Variants in MTUS2 observed in about 807,000 individuals in gnomAD.
MTUS2 encodes the protein microtubule associated scaffold protein 2, also known as microtubule-associated tumor suppressor candidate 2.
Under a neutral mutation model 114.1 loss-of-function variants are expected in MTUS2, and 40 were observed. The ratio of observed to expected loss-of-function variants is 0.35; its 90% CI spans 0.27 to 0.46. The LOEUF is 0.46. MTUS2 is among the 20% of genes least tolerant of loss of function. The probability of loss-of-function intolerance (pLI) is 1.00; values close to 1 mark genes in which losing one functional copy is unlikely to be tolerated. For synonymous variants in MTUS2, 688 were observed against 672.0 expected (o/e 1.02, Z -0.37); for missense variants, 1,679 against 1,705.4 (o/e 0.98, Z 0.27).
intron 8 of MTUS2, among the ~76,000 whole-genome samples, chr13:29,376,040 T>TGC (rs1491524457): frequency 2.7e-4 from 27 of 100,970 alleles, no homozygotes; most frequent in African/African-American, 1.3e-3. Context: ...TATATATATA[T>TGC]GTGTGTGTGT....
At position 29,039,596 on chromosome 13, in the gene MTUS2, T is replaced by C. The variant is rs181553304; in HGVS notation, c.2446+5471T>C. Among the ~76,000 whole-genome samples the C allele has an allele frequency of 5.6e-3, 853 of 152,298 alleles. 6 individuals carry two copies. Among genetic ancestry groups the C allele is most frequent in the Middle Eastern group, 0.014 (4 of 294 alleles). ...AGGGGGCCTAGCAGCTGCCTCTACT[T>C]TTGTGCCTGACCTTTAAAGGTAGAA... On this transcript the variant is annotated intron_variant, in intron 4 of 15. Transcript: ENST00000612955.
intron 9 of MTUS2, among the ~76,000 whole-genome samples, chr13:29,446,459 A>G (rs1381727060): frequency 6.6e-6 from 1 of 152,194 alleles, no homozygotes; most frequent in Non-Finnish European, 1.5e-5. Context: ...TCTATATATC[A>G]GAGTCTTCAT....
At position 29,071,409 on chromosome 13, in the gene MTUS2, A is replaced by ATTTTTTT. The variant is rs751020009; in HGVS notation, c.2447-29336_2447-29330dup. ...TTTAAAAGATCTCTATGTTGCTTGAATTTTTTTTTTTTTTTTTTTTTTTTT... is the reference window on the plus strand; with the variant it reads ...TTTAAAAGATCTCTATGTTGCTTGAATTTTTTTTTTTTTTTTTTTTTTTTTTTTTTTT... On this transcript the variant is annotated intron_variant, in intron 4 of 15. Transcript: ENST00000612955. 3.6e-3 allele frequency among the ~76,000 whole-genome samples: 164 copies of ATTTTTTT among 46,146 alleles called. 25 individuals carry two copies. Among genetic ancestry groups the ATTTTTTT allele is most frequent in the Admixed American group, 4.2e-3 (11 of 2,620 alleles). 30.3% of individuals were successfully genotyped at this position (46,146 alleles called of 152,430 possible).
intron 2 of MTUS2, among the ~76,000 whole-genome samples, chr13:28,931,674 T>A (rs931572498): frequency 6.6e-6 from 1 of 151,074 alleles, no homozygotes; most frequent in Non-Finnish European, 1.5e-5. Flanking sequence ...CTGTTTATAT[T>A]GTATTAGGTA....
intron 7 of MTUS2, among the ~76,000 whole-genome samples, chr13:29,336,078 A>G (rs529711831): frequency 7.2e-5 from 11 of 152,240 alleles, no homozygotes; most frequent in Non-Finnish European, 1.0e-4. Context: ...CTAGTTAGCA[A>G]TTCCTCTAAC....
rs1373547136 is a variant in MTUS2, at chr13:29,024,543, G to C, written c.-156G>C. On this transcript the variant is annotated 5_prime_UTR_variant, in exon 3 of 16. Transcript: ENST00000612955. Reference sequence around the variant, plus strand: ...TATCAAGACAATGCTTGGTTTTCAAGCTGTTCTGAGAATGATTAAAGCAGT... The same window carrying C: ...TATCAAGACAATGCTTGGTTTTCAACCTGTTCTGAGAATGATTAAAGCAGT... The C allele has an allele frequency of 3.5e-6, 3 of 867,878 alleles. No homozygotes were observed. Among genetic ancestry groups the C allele is most frequent in the African/African-American group, 3.4e-5 (2 of 58,814 alleles). 53.8% of individuals were successfully genotyped at this position (867,878 alleles called of 1,614,324 possible).
intron 2 of MTUS2, among the ~76,000 whole-genome samples, chr13:28,989,186 G>C (rs1480898272): frequency 6.6e-6 from 1 of 152,128 alleles, no homozygotes; most frequent in Non-Finnish European, 1.5e-5. Context: ...GGAGTGCTGG[G>C]AGCTGAGAAT....
intron 2 of MTUS2, among the ~76,000 whole-genome samples, chr13:28,917,343 G>T (rs1235652768): frequency 4.6e-5 from 7 of 151,896 alleles, no homozygotes; most frequent in African/African-American, 1.4e-4. Context: ...ATTGGCATTA[G>T]TTCTTCTTTA....
chr13:28,962,713 G>A (rs941233577), intron 2 of MTUS2, among the ~76,000 whole-genome samples: 1 of 152,124 alleles, frequency 6.6e-6, no homozygotes, highest in African/African-American at 2.4e-5. Flanking sequence ...TGTGGGCTTA[G>A]TAAACCAAGA....
chr13:28,986,416 A>G (rs968643254), intron 2 of MTUS2, among the ~76,000 whole-genome samples: 1 of 152,186 alleles, frequency 6.6e-6, no homozygotes, highest in African/African-American at 2.4e-5. Flanking sequence ...TTCAGAGCCC[A>G]GAGGGAAACG....
intron 2 of MTUS2, among the ~76,000 whole-genome samples, chr13:28,975,876 C>T (rs1884073120): frequency 6.6e-6 from 1 of 152,112 alleles, no homozygotes; most frequent in East Asian, 1.9e-4. Flanking sequence ...ATGAGCAATG[C>T]AGGATTCCTT....
At chr13:29,148,984 A>G (rs1380035359) in intron 5 of MTUS2, among the ~76,000 whole-genome samples, 1 of 152,232 alleles carries the variant, frequency 6.6e-6, no homozygotes, top group African/African-American at 2.4e-5. Context: ...ATAATGCTGT[A>G]GTAAACATAT....
At chr13:28,921,965 G>A (rs550233196) in intron 2 of MTUS2, among the ~76,000 whole-genome samples, 1 of 152,308 alleles carries the variant, frequency 6.6e-6, no homozygotes, top group South Asian at 2.1e-4. Flanking sequence ...GGCATGTGAT[G>A]TGGTTTAGCT....
intron 5 of MTUS2, among the ~76,000 whole-genome samples, chr13:29,200,342 C>A (rs575760974): frequency 6.6e-6 from 1 of 151,868 alleles, no homozygotes; most frequent in Admixed American, 6.6e-5. Context: ...CTATAAATTT[C>A]GCTCTAAACA....
intron 5 of MTUS2, among the ~76,000 whole-genome samples, chr13:29,159,724 A>T (rs1893015131): frequency 6.6e-6 from 1 of 152,228 alleles, no homozygotes; most frequent in African/African-American, 2.4e-5. Flanking sequence ...TACAGATGGA[A>T]AATAAGATAT....
At chr13:28,909,655 C>T (rs1014053852) in intron 2 of MTUS2, among the ~76,000 whole-genome samples, 1 of 152,132 alleles carries the variant, frequency 6.6e-6, no homozygotes, top group Admixed American at 6.6e-5. Flanking sequence ...TTCTATTCAA[C>T]ATAGTGTTGG....
chr13:29,391,859 C>T (rs951082613), intron 8 of MTUS2, among the ~76,000 whole-genome samples: 19 of 151,826 alleles, frequency 1.3e-4, no homozygotes, highest in Non-Finnish European at 2.8e-4. Flanking sequence ...CACCTTTGGC[C>T]GGGCGCAGTG....
At chr13:29,298,150 A>G (rs897018300) in intron 6 of MTUS2, among the ~76,000 whole-genome samples, 4 of 152,216 alleles carry the variant, frequency 2.6e-5, no homozygotes, top group African/African-American at 4.8e-5. Flanking sequence ...ATTGATTTGA[A>G]GATGAATTCT....
At position 29,425,686 on chromosome 13, in the gene MTUS2, AAAC is replaced by A. The variant is rs144275680; in HGVS notation, c.3118-14294_3118-14292del. ...TTGAAATTTTTATAACATGTAAAGAAAACAAGGCACAATTCTACAACATGAATA... is the reference window on the plus strand; with the variant it reads ...TTGAAATTTTTATAACATGTAAAGAAAAGGCACAATTCTACAACATGAATA... On this transcript the variant is annotated intron_variant, in intron 8 of 15. Coordinates refer to ENST00000612955, the MANE Select transcript of MTUS2 (RefSeq NM_001033602.4). Among the ~76,000 whole-genome samples, 510 of 152,326 alleles carry A rather than the reference AAAC, an allele frequency of 3.3e-3. 5 individuals carry two copies. Among genetic ancestry groups the A allele is most frequent in the African/African-American group, 0.012 (487 of 41,572 alleles).
Sources: gnomAD v4.1 joint callset for allele counts (sites outside exome capture counted in the v4.1 genomes callset) on GRCh38, gnomAD v4.1.1 for gene constraint, MANE v1.5 for transcripts, NCBI Gene and HGNC (gene_info 2026-07-23, HGNC 2026-07-21) for gene names.